Variants in ZNF354C observed in about 807,000 individuals in gnomAD.
ZNF354C encodes KRAB-zinc finger protein synten.
Under a neutral mutation model 12.4 loss-of-function variants are expected in ZNF354C, and 7 were observed. The ratio of observed to expected loss-of-function variants is 0.56; its 90% confidence interval spans 0.32 to 1.06. ZNF354C has a LOEUF of 1.06. ZNF354C is among the 50% of genes least tolerant of loss of function. The probability of loss-of-function intolerance (pLI) is 0.04; values close to 1 mark genes in which losing one functional copy is unlikely to be tolerated. For missense variants in ZNF354C, 609 were observed against 658.0 expected, an observed-to-expected ratio of 0.93 and a Z score of 0.81; for synonymous variants, 202 against 224.5, an observed-to-expected ratio of 0.90 and a Z score of 0.90.
chr5:179,061,569 C>T (rs1043947599), intron 1 of ZNF354C, among the ~76,000 whole-genome samples: 2 of 152,014 alleles, frequency 1.3e-5, no homozygotes, highest in Admixed American at 1.3e-4. Context: ...CCACTCAGGG[C>T]GAGCAGTGGG....
intron 2 of ZNF354C, among the ~76,000 whole-genome samples, chr5:179,067,053 T>G (rs1479593144): frequency 6.6e-6 from 1 of 152,202 alleles, no homozygotes. Flanking sequence ...GTAAGAAGAT[T>G]TGGAATATGA....
At chr5:179,066,263 G>T (rs1039822796) in intron 2 of ZNF354C, among the ~76,000 whole-genome samples, 8 of 152,146 alleles carry the variant, frequency 5.3e-5, no homozygotes, top group African/African-American at 1.9e-4. Context: ...CTGCACCATG[G>T]GTAGTGGAGG....
In ZNF354C at chr5:179,080,295, G is replaced by A; in HGVS notation, c.*198G>A. ...TTTTAAAAGAACCATAAATTCTAAG[G>A]TATCTAAAAACCTATGAGTATTTAA... On this transcript the variant is annotated 3_prime_UTR_variant, in exon 5 of 5. Coordinates refer to ENST00000315475, the MANE Select transcript of ZNF354C (RefSeq NM_014594.3). 2.7e-6 allele frequency: 1 copy of A among 368,808 alleles called. No individual in the cohort carries two copies. 22.8% of individuals were successfully genotyped at this position (368,808 alleles called of 1,614,324 possible). A position where few individuals can be genotyped will look rare whatever the true frequency, so the allele number is the denominator to read the frequency against.
In ZNF354C at chr5:179,078,696, G is replaced by T. The variant is rs767126509; in HGVS notation, c.264G>T (p.Trp88Cys). 6.3e-7 allele frequency: 1 copy of T among 1,590,422 alleles called. No individual in the cohort carries two copies. The highest frequency in any genetic ancestry group is 8.5e-7 in the Non-Finnish European group (1 of 1,170,516). ...PSDTRLGFKT[W>C]LETEALPHRQ... ...GATTCATTTTAGGTTTCAAGACTTG[G>T]CTTGAAACAGAAGCATTGCCTCATA... Residue 88 changes from tryptophan to cysteine, a missense_variant, in exon 5 of 5, where the codon TGG (tryptophan) becomes TGT (cysteine). Transcript: ENST00000315475.
rs917586649 is a variant in ZNF354C at position 179,080,655 on chromosome 5, T to C, written c.*558T>C. 1 of 152,130 alleles carries C rather than the reference T, an allele frequency of 6.6e-6. No individual in the cohort carries two copies. The highest frequency in any genetic ancestry group is 1.5e-5 in the Non-Finnish European group (1 of 68,004). The allele number at this position is 152,130 out of a possible 1,614,324, so 9.4% of individuals were successfully genotyped here. On this transcript the variant is annotated 3_prime_UTR_variant, in exon 5 of 5. Coordinates refer to ENST00000315475, the MANE Select transcript of ZNF354C (RefSeq NM_014594.3). ...AAACATACATATATACACATATGCA[T>C]GTGTGTGTGTAAACATAAAAGTCCT...
chr5:179,083,085 T>C lies in ZNF354C; in HGVS notation c.*2988T>C. The C allele has an allele frequency of 1.4e-6, 1 of 706,080 alleles. No homozygotes were observed. The highest frequency in any genetic ancestry group is 2.4e-6 in the Non-Finnish European group (1 of 416,310). 43.7% of individuals were successfully genotyped at this position (706,080 alleles called of 1,614,324 possible). ...TGTTGTAAGCCATAGTTTGTGCATT[T>C]TGGCCCTGGTCTGGACTTTTCAAAA... On this transcript the variant is annotated 3_prime_UTR_variant, in exon 5 of 5. Transcript: ENST00000315475.
chr5:179,067,762 C>T (rs189251417), intron 2 of ZNF354C, among the ~76,000 whole-genome samples: 14 of 152,138 alleles, frequency 9.2e-5, no homozygotes, highest in African/African-American at 2.7e-4. Context: ...GCAGGAGAAT[C>T]GCTTGAACCT....
rs79466903 is a variant in ZNF354C, at chr5:179,060,947, G to T, written c.-55+281G>T. 5.3e-3 allele frequency among the ~76,000 whole-genome samples: 805 copies of T among 152,302 alleles called. 16 individuals are homozygous for T. The East Asian group carries it at 0.054, about 10-fold the overall frequency. ...GGTCATTGCCCCAGATGTAACTGGG[G>T]CCTGGGGCTAGGATCAGGATTGCCT... On this transcript the variant is annotated intron_variant, in intron 1 of 4. Transcript: ENST00000315475. This position sits in a 1 kb window ranked among gnomAD's most constrained non-coding sequence, Gnocchi z 4.2.
intron 4 of ZNF354C, among the ~76,000 whole-genome samples, chr5:179,077,710 C>G (rs969976570): frequency 1.3e-5 from 2 of 151,552 alleles, no homozygotes; most frequent in Non-Finnish European, 1.5e-5. Context: ...ATGTTTTCCT[C>G]TTTTTTATAA....
Position 179,082,611 on chromosome 5 carries a change from A to G in ZNF354C, c.*2514A>G, listed in dbSNP as rs1762244173. On this transcript the variant is annotated 3_prime_UTR_variant, in exon 5 of 5. Coordinates refer to ENST00000315475, the MANE Select transcript of ZNF354C (RefSeq NM_014594.3). ...GGGATGAAGAGGGAGATATTCAGAAACCTTCACCAGATTCCTCCCAACTTG... is the reference window on the plus strand; with the variant it reads ...GGGATGAAGAGGGAGATATTCAGAAGCCTTCACCAGATTCCTCCCAACTTG... 8.0e-7 allele frequency: 1 copy of G among 1,257,138 alleles called. No homozygotes were observed. The highest frequency in any genetic ancestry group is 1.7e-5 in the Admixed American group (1 of 59,434). 77.9% of individuals were successfully genotyped at this position (1,257,138 alleles called of 1,614,324 possible). A position where few individuals can be genotyped will look rare whatever the true frequency, so the allele number is the denominator to read the frequency against.
chr5:179,063,604 A>G (rs1489663848), intron 2 of ZNF354C, among the ~76,000 whole-genome samples: 1 of 152,240 alleles, frequency 6.6e-6, no homozygotes, highest in Non-Finnish European at 1.5e-5. Flanking sequence ...ATTTGCTGTG[A>G]GCCAGGTTCT....
chr5:179,061,926 C>A, intron 1 of ZNF354C, 89 bp from the exon 2 acceptor site: 3 of 893,434 alleles, frequency 3.4e-6, no homozygotes, highest in East Asian at 2.4e-5. Context: ...TTTTTTGAGA[C>A]CTGATGGACA....
rs1762241823 is a variant in ZNF354C at position 179,082,498 on chromosome 5, C to T, written c.*2401C>T. 1 of 571,836 alleles carries T rather than the reference C, an allele frequency of 1.7e-6. No homozygotes were observed. The highest frequency in any genetic ancestry group is 3.1e-6 in the Non-Finnish European group (1 of 322,576). 35.4% of individuals were successfully genotyped at this position (571,836 alleles called of 1,614,324 possible). Reference sequence around the variant, plus strand: ...TATATATTTATTTTAAAATGGTTTTCTTAAATTTATTTTTTTAAACATAAC... The same window carrying T: ...TATATATTTATTTTAAAATGGTTTTTTTAAATTTATTTTTTTAAACATAAC... On this transcript the variant is annotated 3_prime_UTR_variant, in exon 5 of 5. Coordinates refer to ENST00000315475, the MANE Select transcript of ZNF354C (RefSeq NM_014594.3).
In ZNF354C at chr5:179,060,838, C is replaced by A. The variant is rs551556236; in HGVS notation, c.-55+172C>A. On this transcript the variant is annotated intron_variant, in intron 1 of 4. Coordinates refer to ENST00000315475, the MANE Select transcript of ZNF354C (RefSeq NM_014594.3). This position sits in a 1 kb window ranked among gnomAD's most constrained non-coding sequence, Gnocchi z 4.2. ...GCACCAGACTAGCGCATCGCCCGAA[C>A]GAACTCCGCGCATCCCTGCTAACAG... Among the ~76,000 whole-genome samples, 1 of 152,298 alleles carries A rather than the reference C, an allele frequency of 6.6e-6. No homozygotes were observed. Among genetic ancestry groups the A allele is most frequent in the African/African-American group, 2.4e-5 (1 of 41,560 alleles).
intron 2 of ZNF354C, among the ~76,000 whole-genome samples, chr5:179,073,943 C>A (rs1013231458): frequency 2.6e-5 from 4 of 151,938 alleles, no homozygotes; most frequent in South Asian, 2.1e-4. Flanking sequence ...AGGTGTGAGC[C>A]ACTGAACCCA....
Position 179,068,941 on chromosome 5 carries a change from G to A in ZNF354C, c.27+6846G>A, listed in dbSNP as rs536043865. Among the ~76,000 whole-genome samples, 19 of 152,334 alleles carry A rather than the reference G, an allele frequency of 1.2e-4. No homozygotes were observed. The South Asian group carries it at 3.3e-3, about 27-fold the overall frequency. On this transcript the variant is annotated intron_variant, in intron 2 of 4. Coordinates refer to ENST00000315475, the MANE Select transcript of ZNF354C (RefSeq NM_014594.3). ...GCCTCTCCTGCGCATGAGCGTGTCC[G>A]TGTCCTGATCTCCCCTTCTTAGAAG...
In ZNF354C at chr5:179,062,096, G is replaced by A; in HGVS notation, c.27+1G>A. The A allele has an allele frequency of 6.2e-7, 1 of 1,614,214 alleles. No individual in the cohort carries two copies. Among genetic ancestry groups the A allele is most frequent in the Non-Finnish European group, 8.5e-7 (1 of 1,180,034 alleles). On this transcript the variant is annotated splice_donor_variant, in intron 2 of 4. Coordinates refer to ENST00000315475, the MANE Select transcript of ZNF354C (RefSeq NM_014594.3). LOFTEE classifies it high-confidence loss of function. ...GGCTGTGGATCTGCTGTCTGCTCAG[G>A]TGAGAGTGAGTGAAGGTTGTCTTTT...
At chr5:179,062,132 G>T (rs771760344) in intron 2 of ZNF354C, 37 bp downstream of exon 2, 2 of 1,613,444 alleles carry the variant, frequency 1.2e-6, no homozygotes, top group African/African-American at 1.3e-5. Context: ...TCATCAGTTG[G>T]CTTCTGGATT....
At chr5:179,078,629 C>G in intron 4 of ZNF354C, 54 bp from the exon 5 acceptor site, 1 of 1,420,046 alleles carries the variant, frequency 7.0e-7, no homozygotes, top group Non-Finnish European at 9.6e-7. Context: ...CTCACCGATA[C>G]ATCAGTTTGT....
Sources: gnomAD v4.1 joint callset for allele counts (sites outside exome capture counted in the v4.1 genomes callset) on GRCh38, gnomAD v4.1.1 for gene constraint, Gnocchi (gnomAD v3.1) non-coding constraint, MANE v1.5 for transcripts, NCBI Gene and HGNC (gene_info 2026-07-23, HGNC 2026-07-21) for gene names.